RSU1: variants seen among roughly 807,000 people sequenced by gnomAD.
RSU1 encodes Ras suppressor protein 1, also known as rsu-1.
In RSU1, 26 loss-of-function variants were observed where a neutral mutation model predicts 31.1. The observed-to-expected ratio is 0.84, with a 90% CI of 0.61 to 1.16. RSU1 has a LOEUF of 1.16. RSU1 is among the 50% of genes most tolerant of loss of function. The pLI, the probability that RSU1 is intolerant of heterozygous loss-of-function variation, is 0.00. For synonymous variants in RSU1, 164 were observed against 136.3 expected (o/e 1.20, Z -1.41); for missense variants, 320 against 339.1 (o/e 0.94, Z 0.44).
At chr10:16,685,795 T>C (rs1835430620) in intron 8 of RSU1, among the ~76,000 whole-genome samples, 1 of 152,216 alleles carries the variant, frequency 6.6e-6, no homozygotes, top group Non-Finnish European at 1.5e-5. Context: ...CTCATTTTAC[T>C]CAGTTACCAT....
chr10:16,648,135 T>TTATTTTTTTTTTTA (rs1225093054), intron 8 of RSU1, among the ~76,000 whole-genome samples: 2 of 150,184 alleles, frequency 1.3e-5, no homozygotes, highest in African/African-American at 5.0e-5. Context: ...AAAAAAAATT[T>TTATTTTTTTTTTTA]TTTTTTTTTT....
In RSU1 at chr10:16,695,167, G is replaced by GGGA. The variant is rs1554767080; in HGVS notation, c.599-13_599-12insTCC. On this transcript the variant is annotated splice_polypyrimidine_tract_variant and intron_variant, in intron 7 of 8. Transcript: ENST00000345264. ...TAAATCCAAGTTTCCTGGGGGGGGG[G>GGGA]AAAAAAAAAGTGAAGGTCACTTCAT... The GGGA allele has an allele frequency of 3.0e-6, 4 of 1,321,966 alleles. No homozygotes were observed. The highest frequency in any genetic ancestry group is 2.2e-5 in the Admixed American group (1 of 44,654). The allele number at this position is 1,321,966 out of a possible 1,614,324, so 81.9% of individuals were successfully genotyped here.
At chr10:16,625,162 T>C (rs927170578) in intron 8 of RSU1, among the ~76,000 whole-genome samples, 1 of 152,216 alleles carries the variant, frequency 6.6e-6, no homozygotes, top group Admixed American at 6.5e-5. Flanking sequence ...TGTACTCTTT[T>C]ACTGCAAGCT....
Position 16,671,135 on chromosome 10 carries a change from C to T in RSU1, c.731+23888G>A, listed in dbSNP as rs141318573. Among the ~76,000 whole-genome samples the T allele has an allele frequency of 9.0e-3, 1,363 of 152,244 alleles. 20 individuals are homozygous for T. Among genetic ancestry groups the T allele is most frequent in the African/African-American group, 0.031 (1,302 of 41,536 alleles). Reference sequence around the variant, plus strand: ...TGTGGTAGAACAATTTACACCTACTCCTATGTTCATCACAGCACTACTCAC... The same window carrying T: ...TGTGGTAGAACAATTTACACCTACTTCTATGTTCATCACAGCACTACTCAC... On this transcript the variant is annotated intron_variant, in intron 8 of 8. Transcript: ENST00000345264.
At chr10:16,761,338 C>A (rs976010560) in intron 4 of RSU1, among the ~76,000 whole-genome samples, 1 of 152,202 alleles carries the variant, frequency 6.6e-6, no homozygotes, top group Non-Finnish European at 1.5e-5. Context: ...GTTTCTCCAA[C>A]TGTAATGGAA....
intron 8 of RSU1, among the ~76,000 whole-genome samples, chr10:16,633,786 C>T (rs1031193569): frequency 2.6e-5 from 4 of 152,158 alleles, no homozygotes; most frequent in African/African-American, 7.2e-5. Context: ...TCCTCAGAGT[C>T]CCTTCCAAAA....
chr10:16,607,046 AG>A, intron 8 of RSU1, among the ~76,000 whole-genome samples: 2 of 152,138 alleles, frequency 1.3e-5, no homozygotes, highest in South Asian at 4.2e-4. Flanking sequence ...TCAGTGTTGG[AG>A]GTGGTTGGAT....
intron 8 of RSU1, among the ~76,000 whole-genome samples, chr10:16,610,194 G>C (rs1833869881): frequency 6.6e-6 from 1 of 151,444 alleles, no homozygotes; most frequent in South Asian, 2.1e-4. Flanking sequence ...GAGTATTTTA[G>C]AGTTAGAGCA....
chr10:16,801,129 T>C (rs1423639624), intron 2 of RSU1, among the ~76,000 whole-genome samples: 2 of 150,968 alleles, frequency 1.3e-5, no homozygotes, highest in East Asian at 1.9e-4. Context: ...CTATATGTTA[T>C]CTATGAGAAA....
chr10:16,650,814 C>T (rs1834672005), intron 8 of RSU1, among the ~76,000 whole-genome samples: 2 of 152,066 alleles, frequency 1.3e-5, no homozygotes, highest in Admixed American at 6.6e-5. Context: ...ATCTCCTGAC[C>T]TCGTGATCTG....
intron 8 of RSU1, among the ~76,000 whole-genome samples, chr10:16,668,359 C>T (rs185078865): frequency 2.6e-5 from 4 of 152,200 alleles, no homozygotes; most frequent in Admixed American, 6.5e-5. Flanking sequence ...CAATGAAGGA[C>T]GATGAGTATT....
At chr10:16,782,169 G>T in intron 2 of RSU1, 85 bp from the exon 3 acceptor site, 1 of 1,070,364 alleles carries the variant, frequency 9.3e-7, no homozygotes, top group Non-Finnish European at 1.4e-6. Context: ...AAAGCAAACG[G>T]CAAAGTTATT....
intron 2 of RSU1, among the ~76,000 whole-genome samples, chr10:16,811,936 C>G (rs1838418176): frequency 6.6e-6 from 1 of 152,164 alleles, no homozygotes; most frequent in South Asian, 2.1e-4. Context: ...TGGGTCAGAA[C>G]TGAGTATTCT....
chr10:16,769,197 C>A (rs1417062361), intron 3 of RSU1, among the ~76,000 whole-genome samples: 1 of 152,196 alleles, frequency 6.6e-6, no homozygotes, highest in East Asian at 1.9e-4. Flanking sequence ...AGATTCTGTT[C>A]TATGATCTAA....
chr10:16,812,213 G>A (rs373947827), intron 2 of RSU1, among the ~76,000 whole-genome samples: 36 of 152,258 alleles, frequency 2.4e-4, no homozygotes, highest in Admixed American at 1.3e-3. Context: ...AGGCCAAGGC[G>A]GGTGGATCAC....
intron 8 of RSU1, among the ~76,000 whole-genome samples, chr10:16,620,527 G>C (rs1438072150): frequency 6.6e-6 from 1 of 150,832 alleles, no homozygotes; most frequent in Non-Finnish European, 1.5e-5. Flanking sequence ...TTTTGCGGGA[G>C]GGGAGTTACT....
chr10:16,636,975 T>G (rs1834353877), intron 8 of RSU1, among the ~76,000 whole-genome samples: 1 of 152,220 alleles, frequency 6.6e-6, no homozygotes, highest in Non-Finnish European at 1.5e-5. Context: ...TTTTATTCCC[T>G]TTTGTAAGAA....
intron 8 of RSU1, among the ~76,000 whole-genome samples, chr10:16,623,420 T>C (rs1389327684): frequency 3.9e-5 from 6 of 152,222 alleles, no homozygotes; most frequent in African/African-American, 7.2e-5. Flanking sequence ...ATTCTTTTCA[T>C]CAAATCCAGC....
intron 8 of RSU1, among the ~76,000 whole-genome samples, chr10:16,654,697 G>A (rs1274242554): frequency 6.6e-6 from 1 of 150,656 alleles, no homozygotes; most frequent in Non-Finnish European, 1.5e-5. Context: ...AAAAAAAAAG[G>A]AAATGATTTA....
Sources: allele counts gnomAD v4.1 joint callset (sites outside exome capture counted in the v4.1 genomes callset), GRCh38; gene constraint gnomAD v4.1.1; transcripts MANE v1.5; gene names NCBI Gene and HGNC (gene_info 2026-07-23, HGNC 2026-07-21).